KCNIP4: variants seen among roughly 807,000 people sequenced by gnomAD.
KCNIP4 encodes the protein potassium voltage-gated channel interacting protein 4, also known as Kv channel-interacting protein 4.
KCNIP4 carries 12 observed loss-of-function variants against 34.0 expected under a neutral mutation model. That is an observed-to-expected ratio of 0.35 (90% CI 0.23 to 0.57). KCNIP4 has a LOEUF of 0.57. Ranked by LOEUF, KCNIP4 falls within the 20% of genes least tolerant of loss-of-function variation. The pLI is 0.83. For synonymous variants in KCNIP4, 124 were observed against 102.2 expected, an observed-to-expected ratio of 1.21 and a Z score of -1.29; for missense variants, 238 against 311.7, an observed-to-expected ratio of 0.76 and a Z score of 1.78.
At chr4:20,824,091 G>A (rs938208322) in intron 3 of KCNIP4, among the ~76,000 whole-genome samples, 5 of 152,098 alleles carry the variant, frequency 3.3e-5, no homozygotes, top group African/African-American at 1.2e-4. Flanking sequence ...GTGTTGTTGT[G>A]TATATTAACA....
At chr4:21,264,446 G>C (rs904657857) in intron 1 of KCNIP4, among the ~76,000 whole-genome samples, 4 of 152,134 alleles carry the variant, frequency 2.6e-5, no homozygotes, top group Non-Finnish European at 4.4e-5. Context: ...GTGATGTAGA[G>C]GCTGAGAGTT....
chr4:21,946,344 A>G (rs905927192), intron 1 of KCNIP4, among the ~76,000 whole-genome samples: 3 of 152,190 alleles, frequency 2.0e-5, no homozygotes, highest in African/African-American at 7.2e-5. Flanking sequence ...ATAAACCTCC[A>G]TTCCAGAGAT....
At chr4:21,265,676 T>C (rs1432156138) in intron 1 of KCNIP4, among the ~76,000 whole-genome samples, 1 of 152,146 alleles carries the variant, frequency 6.6e-6, no homozygotes, top group Non-Finnish European at 1.5e-5. Context: ...GGCAAAGAGA[T>C]AGAATCATAA....
intron 1 of KCNIP4, among the ~76,000 whole-genome samples, chr4:21,139,828 A>G (rs1751805533): frequency 6.6e-6 from 1 of 152,110 alleles, no homozygotes; most frequent in South Asian, 2.1e-4. Context: ...TTTCCGAGGG[A>G]CTCTAACCTA....
chr4:21,742,505 G>A (rs889603244), intron 1 of KCNIP4, among the ~76,000 whole-genome samples: 13 of 152,078 alleles, frequency 8.5e-5, no homozygotes, highest in East Asian at 1.9e-4. Flanking sequence ...TTTACTTCAC[G>A]TTCCTCAGTC....
At chr4:21,589,528 G>A (rs1359784031) in intron 1 of KCNIP4, among the ~76,000 whole-genome samples, 1 of 151,484 alleles carries the variant, frequency 6.6e-6, no homozygotes, top group Non-Finnish European at 1.5e-5. Flanking sequence ...CAAAAGGGTT[G>A]AATTGGATAA....
intron 1 of KCNIP4, among the ~76,000 whole-genome samples, chr4:21,757,167 G>T (rs1258645014): frequency 4.1e-4 from 20 of 48,946 alleles, no homozygotes; most frequent in Non-Finnish European, 7.1e-4. Context: ...AAGAAAGAAA[G>T]AAGGAAGGAA....
chr4:21,144,807 C>A (rs1752232428), intron 1 of KCNIP4, among the ~76,000 whole-genome samples: 1 of 152,100 alleles, frequency 6.6e-6, no homozygotes, highest in African/African-American at 2.4e-5. Context: ...CATTGGTTAT[C>A]AAATGCCTTA....
At chr4:20,868,743 AAAAC>A (rs541014499) in intron 2 of KCNIP4, among the ~76,000 whole-genome samples, 282 of 152,310 alleles carry the variant, frequency 1.9e-3, no homozygotes, top group Non-Finnish European at 3.4e-3. Flanking sequence ...TAGGAATAGA[AAAAC>A]AAATACTGCA....
At chr4:21,265,224 G>C (rs1015343462) in intron 1 of KCNIP4, among the ~76,000 whole-genome samples, 1 of 152,066 alleles carries the variant, frequency 6.6e-6, no homozygotes, top group Non-Finnish European at 1.5e-5. Flanking sequence ...CACCAGCACA[G>C]GCAAAAGCAG....
chr4:21,329,945 CCTT>C (rs909349828), intron 1 of KCNIP4, among the ~76,000 whole-genome samples: 6 of 152,184 alleles, frequency 3.9e-5, no homozygotes, highest in South Asian at 2.1e-4. Flanking sequence ...CTCAAGGCCT[CCTT>C]AAGTAGAATC....
intron 1 of KCNIP4, among the ~76,000 whole-genome samples, chr4:21,114,374 T>C (rs1379874192): frequency 6.6e-6 from 1 of 152,162 alleles, no homozygotes; most frequent in Non-Finnish European, 1.5e-5. Flanking sequence ...TGCCACTAAT[T>C]AGTCTGGATT....
At chr4:21,618,318 C>A (rs1043133824) in intron 1 of KCNIP4, among the ~76,000 whole-genome samples, 9 of 151,938 alleles carry the variant, frequency 5.9e-5, no homozygotes, top group Non-Finnish European at 1.2e-4. Flanking sequence ...AAAAATAAGT[C>A]AATTGAGTTA....
chr4:20,753,265 C>A (rs1753954002), intron 4 of KCNIP4, among the ~76,000 whole-genome samples: 2 of 152,052 alleles, frequency 1.3e-5, no homozygotes, highest in Admixed American at 1.3e-4. Flanking sequence ...CAAGATATTC[C>A]TATACCATCT....
chr4:21,709,784 G>T (rs1358311314), intron 1 of KCNIP4, among the ~76,000 whole-genome samples: 1 of 152,170 alleles, frequency 6.6e-6, no homozygotes, highest in African/African-American at 2.4e-5. Context: ...TATATACTCA[G>T]TGATGTCTTG....
chr4:20,940,072 C>G (rs547066646), intron 1 of KCNIP4, among the ~76,000 whole-genome samples: 185 of 151,194 alleles, frequency 1.2e-3, no homozygotes, highest in African/African-American at 4.3e-3. Context: ...ATCTCTCAAT[C>G]CATCAACCAT....
intron 1 of KCNIP4, among the ~76,000 whole-genome samples, chr4:20,902,927 A>G (rs1727324397): frequency 6.6e-6 from 1 of 152,246 alleles, no homozygotes. Context: ...GAGTGAAACA[A>G]GAAACATGGA....
chr4:20,886,222 C>A (rs775523237), intron 1 of KCNIP4, among the ~76,000 whole-genome samples: 2 of 152,140 alleles, frequency 1.3e-5, no homozygotes, highest in Non-Finnish European at 2.9e-5. Flanking sequence ...CAACATAGAA[C>A]TGTGATGCTT....
chr4:21,723,645 G>A (rs1056267066), intron 1 of KCNIP4, among the ~76,000 whole-genome samples: 2 of 152,064 alleles, frequency 1.3e-5, no homozygotes, highest in African/African-American at 4.8e-5. Context: ...AGTCATACAT[G>A]GTTAAGGAAT....
Sources: allele counts gnomAD v4.1 joint callset (sites outside exome capture counted in the v4.1 genomes callset), GRCh38; gene constraint gnomAD v4.1.1; transcripts MANE v1.5; gene names NCBI Gene and HGNC (gene_info 2026-07-23, HGNC 2026-07-21).